Variants in CCND1 observed in about 807,000 individuals in gnomAD.
CCND1 encodes the protein G1/S-specific cyclin-D1.
A neutral mutation model predicts 26.1 loss-of-function variants in CCND1; 9 were observed. That is an observed-to-expected ratio of 0.35 (90% CI 0.21 to 0.60). CCND1 has a LOEUF of 0.60. Ranked by LOEUF, CCND1 falls within the 20% of genes least tolerant of loss-of-function variation. The pLI, the probability that CCND1 is intolerant of heterozygous loss-of-function variation, is 0.79. For synonymous variants in CCND1, 194 were observed against 166.1 expected, an observed-to-expected ratio of 1.17 and a Z score of -1.29; for missense variants, 335 against 392.9, an observed-to-expected ratio of 0.85 and a Z score of 1.25.
At chr11:69,647,791 G>C (rs978551406) in intron 3 of CCND1, among the ~76,000 whole-genome samples, 1 of 152,156 alleles carries the variant, frequency 6.6e-6, no homozygotes, top group Non-Finnish European at 1.5e-5. Context: ...TTCCAGGAGG[G>C]TCCGTGGGCC....
chr11:69,648,759 C>T (rs143340542), intron 4 of CCND1, among the ~76,000 whole-genome samples: 49 of 152,280 alleles, frequency 3.2e-4, no homozygotes, highest in Middle Eastern at 3.4e-3. Context: ...CCGGGTCAGC[C>T]GCCGGCCCCG....
chr11:69,641,606 C>T (rs1855701256), intron 1 of CCND1, 95 bp downstream of exon 1: 2 of 1,235,828 alleles, frequency 1.6e-6, no homozygotes, highest in Non-Finnish European at 1.2e-6. Context: ...TTCTCTCCCG[C>T]TAGAACTTTG....
At chr11:69,647,401 G>C (rs1282525427) in intron 3 of CCND1, among the ~76,000 whole-genome samples, 2 of 152,094 alleles carry the variant, frequency 1.3e-5, no homozygotes, top group Non-Finnish European at 2.9e-5. Flanking sequence ...CCACACCACA[G>C]CCGCCCTGAA....
In CCND1 at chr11:69,654,187, G is replaced by C; in HGVS notation, c.*2905G>C. 1 of 699,704 alleles carries C rather than the reference G, an allele frequency of 1.4e-6. No individual in the cohort carries two copies. The allele number at this position is 699,704 out of a possible 1,614,324, so 43.3% of individuals were successfully genotyped here. A position where few individuals can be genotyped will look rare whatever the true frequency, so the allele number is the denominator to read the frequency against. On this transcript the variant is annotated 3_prime_UTR_variant, in exon 5 of 5. Transcript: ENST00000227507. This position sits in a 1 kb window ranked among gnomAD's most constrained non-coding sequence, Gnocchi z 6.3. Reference sequence around the variant, plus strand: ...ACCATCCTGGCTGCGGCGTCTGTCTGAACCACGCGGGGGCCTTGAGGGACG... The same window carrying C: ...ACCATCCTGGCTGCGGCGTCTGTCTCAACCACGCGGGGGCCTTGAGGGACG...
intron 3 of CCND1, among the ~76,000 whole-genome samples, chr11:69,647,657 T>C (rs1240422102): frequency 2.0e-5 from 3 of 152,248 alleles, no homozygotes; most frequent in African/African-American, 7.2e-5. Flanking sequence ...GAATACGTGA[T>C]AACATTCACA....
At chr11:69,650,077 G>A (rs532118847) in intron 4 of CCND1, among the ~76,000 whole-genome samples, 9 of 152,342 alleles carry the variant, frequency 5.9e-5, no homozygotes, top group Admixed American at 1.3e-4. Flanking sequence ...ATCGCCTGTC[G>A]TGCTATGCCT....
intron 2 of CCND1, 125 bp from the exon 3 acceptor site, chr11:69,643,707 C>A: frequency 1.2e-6 from 1 of 853,922 alleles, no homozygotes; most frequent in African/African-American, 1.7e-5. Context: ...CAGGACCGCA[C>A]GAGACGCAGG....
intron 3 of CCND1, among the ~76,000 whole-genome samples, chr11:69,646,835 T>C (rs1432932486): frequency 1.3e-5 from 2 of 152,224 alleles, no homozygotes; most frequent in Non-Finnish European, 2.9e-5. Flanking sequence ...AGAGCCAGTC[T>C]GCTGTTTGTC....
chr11:69,653,768 A>AATTATTATT lies in CCND1; in HGVS notation c.*2498_*2506dup. 1 of 282,158 alleles carries AATTATTATT rather than the reference A, an allele frequency of 3.5e-6. No individual in the cohort carries two copies. The highest frequency in any genetic ancestry group is 6.7e-6 in the Non-Finnish European group (1 of 149,320). 17.5% of individuals were successfully genotyped at this position (282,158 alleles called of 1,614,324 possible). A position where few individuals can be genotyped will look rare whatever the true frequency, so the allele number is the denominator to read the frequency against. Reference sequence around the variant, plus strand: ...TTGCGTGTAGCTATGGAAGTTGCATAATTATTATTATTATTATTATAACAA... The same window carrying AATTATTATT: ...TTGCGTGTAGCTATGGAAGTTGCATAATTATTATTATTATTATTATTATTATTATAACAA... On this transcript the variant is annotated 3_prime_UTR_variant, in exon 5 of 5. Coordinates refer to ENST00000227507, the MANE Select transcript of CCND1 (RefSeq NM_053056.3).
At position 69,651,696 on chromosome 11, in the gene CCND1, A is replaced by G. The variant is rs1367156675; in HGVS notation, c.*414A>G. 4.2e-6 allele frequency: 1 copy of G among 236,730 alleles called. No homozygotes were observed. The highest frequency in any genetic ancestry group is 2.2e-5 in the African/African-American group (1 of 45,520). 14.7% of individuals were successfully genotyped at this position (236,730 alleles called of 1,614,324 possible). ...ATTAGGTTCCATCCTTTACGTGTTTAAAAAAAAGCATAAAAACATTTTAAA... is the reference window on the plus strand; with the variant it reads ...ATTAGGTTCCATCCTTTACGTGTTTGAAAAAAAGCATAAAAACATTTTAAA... On this transcript the variant is annotated 3_prime_UTR_variant, in exon 5 of 5. Transcript: ENST00000227507.
rs904210762 is a variant in CCND1, at chr11:69,654,398, A to G, written c.*3116A>G. ...TGCACCGCGGCGCTTCCCAGCACCAACATGTAACCGGCATGTTTCCAGCAG... is the reference window on the plus strand; with the variant it reads ...TGCACCGCGGCGCTTCCCAGCACCAGCATGTAACCGGCATGTTTCCAGCAG... On this transcript the variant is annotated 3_prime_UTR_variant, in exon 5 of 5. Coordinates refer to ENST00000227507, the MANE Select transcript of CCND1 (RefSeq NM_053056.3). The surrounding 1 kb of genome is among the most constrained non-coding windows in gnomAD (Gnocchi z 6.3). The G allele has an allele frequency of 7.2e-6, 5 of 698,160 alleles. No homozygotes were observed. Among genetic ancestry groups the G allele is most frequent in the Non-Finnish European group, 1.3e-5 (5 of 382,036 alleles). 43.2% of individuals were successfully genotyped at this position (698,160 alleles called of 1,614,324 possible). A position where few individuals can be genotyped will look rare whatever the true frequency, so the allele number is the denominator to read the frequency against.
chr11:69,641,363 A>G lies in CCND1; in HGVS notation c.50A>G (p.Tyr17Cys). ...CCEVETIRRA[Y>C]PDANLLNDRV... ...GAAGTGGAAACCATCCGCCGCGCGT[A>G]CCCCGATGCCAACCTCCTCAACGAC... Residue 17 changes from tyrosine to cysteine, a missense_variant, in exon 1 of 5, where the codon TAC (tyrosine) becomes TGC (cysteine). Physicochemically the swap from Tyr to Cys is radical, Grantham distance 194. Coordinates refer to ENST00000227507, the MANE Select transcript of CCND1 (RefSeq NM_053056.3). 1.9e-6 allele frequency: 3 copies of G among 1,613,114 alleles called. No individual in the cohort carries two copies. Among genetic ancestry groups the G allele is most frequent in the Non-Finnish European group, 2.5e-6 (3 of 1,179,982 alleles).
intron 3 of CCND1, among the ~76,000 whole-genome samples, chr11:69,645,604 G>A (rs1237091843): frequency 6.6e-6 from 1 of 152,192 alleles, no homozygotes; most frequent in African/African-American, 2.4e-5. Context: ...AGTGCTCCGG[G>A]TCCTGACCCG....
chr11:69,648,164 G>C (rs2120110521), intron 4 of CCND1, 22 bp downstream of exon 4: 1 of 1,613,038 alleles, frequency 6.2e-7, no homozygotes, highest in Non-Finnish European at 8.5e-7. Context: ...TGATGTCCCA[G>C]GCAGCCTTGC....
Position 69,653,230 on chromosome 11 carries a change from AT to A in CCND1, c.*1952del. ...CACACCGGGGACAGGCCGCAGCTCC[AT>A]TTTCTTATTGCGCTGCTACCGTTGA... On this transcript the variant is annotated 3_prime_UTR_variant, in exon 5 of 5. Coordinates refer to ENST00000227507, the MANE Select transcript of CCND1 (RefSeq NM_053056.3). 1 of 700,624 alleles carries A rather than the reference AT, an allele frequency of 1.4e-6. No homozygotes were observed. The highest frequency in any genetic ancestry group is 2.0e-5 in the Admixed American group (1 of 49,470). 43.4% of individuals were successfully genotyped at this position (700,624 alleles called of 1,614,324 possible). A position where few individuals can be genotyped will look rare whatever the true frequency, so the allele number is the denominator to read the frequency against.
At chr11:69,643,408 G>A (rs1855736261) in intron 2 of CCND1, 162 bp downstream of exon 2, 1 of 551,342 alleles carries the variant, frequency 1.8e-6, no homozygotes. Flanking sequence ...GGAGCGGGCG[G>A]GATCCTAGCC....
chr11:69,646,544 C>A (rs139474634), intron 3 of CCND1, among the ~76,000 whole-genome samples: 1 of 152,186 alleles, frequency 6.6e-6, no homozygotes, highest in Non-Finnish European at 1.5e-5. Context: ...TGTTCCCGGG[C>A]GCTCAGTGGC....
rs556461500 is a variant in CCND1, at chr11:69,650,818, C to G, written c.724-300C>G. 6.6e-5 allele frequency among the ~76,000 whole-genome samples: 10 copies of G among 150,846 alleles called. No homozygotes were observed. The South Asian group carries it at 1.9e-3, about 29-fold the overall frequency. ...GGCCAGTGGGAACAGGCGGTGAAGG[C>G]GCTGTTGGACATGGGGACGGGCAGG... is the stretch of plus-strand genomic sequence containing the variant. On this transcript the variant is annotated intron_variant, in intron 4 of 4. Transcript: ENST00000227507.
Position 69,643,843 on chromosome 11 carries a change from G to T in CCND1, c.426G>T (p.Leu142=), listed in dbSNP as rs761061313. The part of the protein sequence containing the change: ...IRPEELLQME[L]LLVNKLKWNL... ...CCCTGTGTTCGCAGCAAATGGAGCT[G>T]CTCCTGGTGAACAAGCTCAAGTGGA... The change falls in exon 3 of 5, where the codon CTG becomes CTT. Residue 142 remains leucine, a synonymous_variant. Transcript: ENST00000227507. 1 of 1,609,762 alleles carries T rather than the reference G, an allele frequency of 6.2e-7. No homozygotes were observed. Among genetic ancestry groups the T allele is most frequent in the South Asian group, 1.1e-5 (1 of 90,882 alleles).
Sources: allele counts gnomAD v4.1 joint callset (sites outside exome capture counted in the v4.1 genomes callset), GRCh38; gene constraint gnomAD v4.1.1; non-coding constraint Gnocchi (gnomAD v3.1); transcripts MANE v1.5; gene names NCBI Gene and HGNC (gene_info 2026-07-23, HGNC 2026-07-21).